Variants in TRPM3 observed in about 807,000 individuals in gnomAD.
The protein encoded by TRPM3 is long transient receptor potential channel 3.
TRPM3 carries 77 observed loss-of-function variants against 181.2 expected under a neutral mutation model. That is an observed-to-expected ratio of 0.42 (90% CI 0.35 to 0.51). The LOEUF (loss-of-function observed/expected upper bound fraction) is 0.51. TRPM3 is among the 20% of genes least tolerant of loss of function. The pLI, the probability that TRPM3 is intolerant of heterozygous loss-of-function variation, is 0.01. For missense variants in TRPM3, 1,759 were observed against 2,196.7 expected (o/e 0.80, Z 3.98); for synonymous variants, 745 against 796.4 (o/e 0.94, Z 1.09).
chr9:71,107,518 G>T lies in TRPM3; in HGVS notation c.177+13660C>A, dbSNP rs575977915. Among the ~76,000 whole-genome samples, 8 of 152,166 alleles carry T rather than the reference G, an allele frequency of 5.3e-5. No individual in the cohort carries two copies. The South Asian group carries it at 1.7e-3, about 32-fold the overall frequency. On this transcript the variant is annotated intron_variant, in intron 1 of 25. Transcript: ENST00000677713. The stretch of plus-strand genomic sequence containing the variant: ...CTCAATTCCAATATTAGCTCCTTTT[G>T]ATCAAAGGCCTGTTCTTTTCGTCTT...
chr9:71,146,618 C>T (rs2075421221), intron 1 of TRPM3, among the ~76,000 whole-genome samples: 1 of 152,142 alleles, frequency 6.6e-6, no homozygotes, highest in Non-Finnish European at 1.5e-5. Flanking sequence ...CATCCTTCTT[C>T]TCCATTCTTC....
At chr9:71,088,904 G>T (rs1393201657) in intron 1 of TRPM3, among the ~76,000 whole-genome samples, 2 of 151,720 alleles carry the variant, frequency 1.3e-5, no homozygotes. Context: ...AAGAGAGGGA[G>T]AAAAGGGTAT....
intron 1 of TRPM3, among the ~76,000 whole-genome samples, chr9:71,197,290 T>A (rs1342710659): frequency 6.6e-6 from 1 of 152,192 alleles, no homozygotes; most frequent in Admixed American, 6.6e-5. Context: ...TTTCGCTTGG[T>A]TCCAAGTCTT....
At chr9:70,599,297 T>A (rs1394170374) in intron 20 of TRPM3, among the ~76,000 whole-genome samples, 1 of 152,158 alleles carries the variant, frequency 6.6e-6, no homozygotes, top group African/African-American at 2.4e-5. Context: ...TGGCTGGCAA[T>A]TACCAGGTTA....
chr9:71,234,718 TAC>T (rs1482181722), intron 1 of TRPM3, among the ~76,000 whole-genome samples: 1 of 152,190 alleles, frequency 6.6e-6, no homozygotes, highest in African/African-American at 2.4e-5. Flanking sequence ...TAACTCCTAC[TAC>T]AGTCACATTC....
chr9:71,410,589 C>T lies in TRPM3; in HGVS notation c.183+36064G>A, dbSNP rs556248845. 1.1e-4 allele frequency among the ~76,000 whole-genome samples: 17 copies of T among 152,272 alleles called. 1 individual carries two copies. The highest frequency in any genetic ancestry group is 4.1e-4 in the African/African-American group (17 of 41,564). ...GTTGAATCCCTGAATAGACTAGTAA[C>T]AGGCTCTGAAATTCAGACAGTAATT... On this transcript the variant is annotated intron_variant, in intron 1 of 24. Coordinates refer to the TRPM3 transcript ENST00000357533.
intron 1 of TRPM3, among the ~76,000 whole-genome samples, chr9:71,249,194 G>A (rs1483247271): frequency 6.6e-6 from 1 of 151,966 alleles, no homozygotes; most frequent in Non-Finnish European, 1.5e-5. Context: ...GCCAACCAAG[G>A]CTTCTCCATA....
chr9:71,239,229 G>A (rs1212758184), intron 1 of TRPM3, among the ~76,000 whole-genome samples: 2 of 152,110 alleles, frequency 1.3e-5, no homozygotes, highest in African/African-American at 4.8e-5. Context: ...AAGTTTACTA[G>A]TACAATTTTT....
Position 70,598,437 on chromosome 9 carries a change from T to C in TRPM3, c.3030A>G (p.Val1010=). Reference sequence around the variant, plus strand: ...TGCTTACCATTTTTCCAATCATCATTACATACGGGCCCAAATACTTGTTCA... The same window carrying C: ...TGCTTACCATTTTTCCAATCATCATCACATACGGGCCCAAATACTTGTTCA... The part of the protein sequence containing the change: ...FGVNKYLGPY[V]MMIGKMMIDM... Residue 1010 remains valine (V), a synonymous_variant, in exon 21 of 26, where the codon GTA becomes GTG. Transcript: ENST00000677713. 1.2e-6 allele frequency: 2 copies of C among 1,614,114 alleles called. No homozygotes were observed. Among genetic ancestry groups the C allele is most frequent in the Non-Finnish European group, 8.5e-7 (1 of 1,179,976 alleles).
chr9:70,536,405 C>A lies in TRPM3; in HGVS notation c.4708G>T (p.Ala1570Ser). ...TDCIDTRCVN[A>S]PQAIADRAAF... The stretch of plus-strand genomic sequence containing the variant: ...GCTCTGTCCGCAATTGCTTGAGGGG[C>A]ATTGACACACCTTGTGTCAATACAG... The change falls in exon 26 of 26, where the codon GCC (alanine) becomes TCC (serine). Residue 1570 changes from alanine to serine, a missense_variant. This residue lies in a region of TRPM3 where 612 missense variants were observed against 590.0 expected (regional missense o/e 1.04). Transcript: ENST00000677713. The A allele has an allele frequency of 6.2e-7, 1 of 1,614,120 alleles. No homozygotes were observed. Among genetic ancestry groups the A allele is most frequent in the Non-Finnish European group, 8.5e-7 (1 of 1,180,006 alleles).
intron 1 of TRPM3, among the ~76,000 whole-genome samples, chr9:71,421,017 A>AAAAGAGAG (rs2093762720): frequency 2.7e-5 from 4 of 148,440 alleles, no homozygotes; most frequent in South Asian, 4.3e-4. Context: ...AAAAGAGAGA[A>AAAAGAGAG]AAAGAGAGAA....
intron 22 of TRPM3, among the ~76,000 whole-genome samples, chr9:70,569,948 T>C (rs997413850): frequency 2.6e-5 from 4 of 152,198 alleles, no homozygotes; most frequent in Non-Finnish European, 5.9e-5. Context: ...TATGTTTCCA[T>C]GGAATGGACT....
At position 70,821,915 on chromosome 9, in the gene TRPM3, C is replaced by T. The variant is rs558999560; in HGVS notation, c.973+5932G>A. On this transcript the variant is annotated intron_variant, in intron 6 of 25. Transcript: ENST00000677713. ...CATACAACTCTGATGATTCATGCTG[C>T]TTTAAATTTACAACCACAAATACCA... is the stretch of plus-strand genomic sequence containing the variant. Among the ~76,000 whole-genome samples the T allele has an allele frequency of 3.0e-4, 45 of 152,306 alleles. 1 individual carries two copies. In the South Asian group the frequency reaches 9.1e-3, roughly 31 times the overall value.
intron 1 of TRPM3, among the ~76,000 whole-genome samples, chr9:71,366,832 G>C (rs1311083307): frequency 6.6e-6 from 1 of 151,768 alleles, no homozygotes; most frequent in Non-Finnish European, 1.5e-5. Context: ...AATTTGGCAG[G>C]GGTAAATCTG....
chr9:70,876,419 T>A (rs1001727040), intron 1 of TRPM3, among the ~76,000 whole-genome samples: 1 of 151,330 alleles, frequency 6.6e-6, no homozygotes, highest in Non-Finnish European at 1.5e-5. Context: ...TCACTATACA[T>A]TATATGTACC....
intron 1 of TRPM3, among the ~76,000 whole-genome samples, chr9:70,967,662 A>G (rs2097199476): frequency 6.6e-6 from 1 of 152,074 alleles, no homozygotes; most frequent in Admixed American, 6.6e-5. Flanking sequence ...TCTGTGATCA[A>G]ATTATTTGGG....
intron 1 of TRPM3, among the ~76,000 whole-genome samples, chr9:71,428,948 GAAA>G (rs34737844): frequency 0.16 from 19,454 of 121,934 alleles, 1,548 homozygotes; most frequent in African/African-American, 0.27. Context: ...TGTTTCAAAG[GAAA>G]AAAAAAAAAA....
chr9:71,076,721 A>T (rs954409670), intron 1 of TRPM3, among the ~76,000 whole-genome samples: 1 of 152,146 alleles, frequency 6.6e-6, no homozygotes, highest in Non-Finnish European at 1.5e-5. Flanking sequence ...GGTTCTCAAT[A>T]TCACAGCTCT....
chr9:71,046,515 T>C (rs1355750088), intron 1 of TRPM3, among the ~76,000 whole-genome samples: 3 of 152,204 alleles, frequency 2.0e-5, no homozygotes, highest in Admixed American at 2.0e-4. Context: ...CTATTTTAAG[T>C]ATCTAAATAT....
Sources: allele counts gnomAD v4.1 joint callset (sites outside exome capture counted in the v4.1 genomes callset), GRCh38; gene constraint gnomAD v4.1.1; regional missense constraint gnomAD v4.1.1; transcripts MANE v1.5; gene names NCBI Gene and HGNC (gene_info 2026-07-23, HGNC 2026-07-21).